IQGAP2: variants seen among roughly 807,000 people sequenced by gnomAD.
IQGAP2 encodes IQ motif containing GTPase activating protein 2, also known as ras GTPase-activating-like protein IQGAP2.
Under a neutral mutation model 201.3 loss-of-function variants are expected in IQGAP2, and 173 were observed. The ratio of observed to expected loss-of-function variants is 0.86; its 90% CI spans 0.76 to 0.98. The LOEUF is 0.98. Among genes scored for constraint, IQGAP2 ranks in the 50% least tolerant of loss-of-function variants. The pLI is 0.00. For missense variants in IQGAP2, 1,687 were observed against 1,864.8 expected, an observed-to-expected ratio of 0.90 and a Z score of 1.76; for synonymous variants, 675 against 673.9, an observed-to-expected ratio of 1.00 and a Z score of -0.03.
At chr5:76,500,129 A>C (rs1757195589) in intron 2 of IQGAP2, among the ~76,000 whole-genome samples, 1 of 152,164 alleles carries the variant, frequency 6.6e-6, no homozygotes, top group South Asian at 2.1e-4. Flanking sequence ...TGAATGAATA[A>C]ATAAATAAAA....
chr5:76,449,942 C>T lies in IQGAP2; in HGVS notation c.47-11628C>T, dbSNP rs546197320. Among the ~76,000 whole-genome samples the T allele has an allele frequency of 3.7e-4, 56 of 152,318 alleles. No individual in the cohort carries two copies. In the South Asian group the frequency reaches 8.1e-3, roughly 22 times the overall value. On this transcript the variant is annotated intron_variant, in intron 1 of 35. Coordinates refer to ENST00000274364, the MANE Select transcript of IQGAP2 (RefSeq NM_006633.5). ...AATTATATTTAAGGTAGTTGCTGTT[C>T]TGGCTCTTGTATAAAGTTCTTTCAG...
intron 4 of IQGAP2, 146 bp from the exon 5 acceptor site, chr5:76,575,547 A>T (rs986515262): frequency 2.0e-6 from 1 of 490,940 alleles, no homozygotes; most frequent in African/African-American, 2.0e-5. Flanking sequence ...CTATCTCTAC[A>T]GCAAGATGAA....
In IQGAP2 at chr5:76,496,739, TTC is replaced by T. The variant is rs1756954163; in HGVS notation, c.146+35072_146+35073del. Reference sequence around the variant, plus strand: ...TTCTTTCTTTCTTTTCTTTCTTTCTTTCTTTCTTTCTTTCTTTCTTTCTTTCT... The same window carrying T: ...TTCTTTCTTTCTTTTCTTTCTTTCTTTTTCTTTCTTTCTTTCTTTCTTTCT... On this transcript the variant is annotated intron_variant, in intron 2 of 35. Transcript: ENST00000274364. 2.6e-4 allele frequency among the ~76,000 whole-genome samples: 12 copies of T among 46,262 alleles called. 1 individual carries two copies. The highest frequency in any genetic ancestry group is 1.1e-3 in the African/African-American group (9 of 8,528). 30.3% of individuals were successfully genotyped at this position (46,262 alleles called of 152,430 possible). A position where few individuals can be genotyped will look rare whatever the true frequency, so the allele number is the denominator to read the frequency against.
intron 2 of IQGAP2, 123 bp downstream of exon 2, chr5:76,461,792 T>G: frequency 1.5e-6 from 1 of 672,804 alleles, no homozygotes; most frequent in Non-Finnish European, 2.6e-6. Flanking sequence ...GTTGTCGTAG[T>G]TGGAGATGGC....
At chr5:76,407,880 C>T (rs1431113032) in intron 1 of IQGAP2, among the ~76,000 whole-genome samples, 2 of 152,154 alleles carry the variant, frequency 1.3e-5, no homozygotes, top group Non-Finnish European at 1.5e-5. Flanking sequence ...CCTGTAATCC[C>T]AGGACTTTGG....
At chr5:76,595,243 CTTTTTTTTTTTT>C (rs1180358517) in intron 9 of IQGAP2, among the ~76,000 whole-genome samples, 20 of 35,308 alleles carry the variant, frequency 5.7e-4, no homozygotes, top group Non-Finnish European at 9.2e-4. Flanking sequence ...CATTTCTTTG[CTTTTTTTTTTTT>C]TTTTTTTTTT....
chr5:76,404,950 A>G lies in IQGAP2; in HGVS notation c.46+1359A>G, dbSNP rs143104705. 3.1e-3 allele frequency among the ~76,000 whole-genome samples: 452 copies of G among 147,796 alleles called. 6 individuals carry two copies. The highest frequency in any genetic ancestry group is 1.0e-2 in the African/African-American group (404 of 40,412). On this transcript the variant is annotated intron_variant, in intron 1 of 35. Transcript: ENST00000274364. ...ACAGCAGAGCCCGTTGGGTTCAAGGAGGAATGCTGTGCTCATTCAGTGTTT... is the reference window on the plus strand; with the variant it reads ...ACAGCAGAGCCCGTTGGGTTCAAGGGGGAATGCTGTGCTCATTCAGTGTTT...
chr5:76,642,688 C>T lies in IQGAP2; in HGVS notation c.2094+1585C>T, dbSNP rs115060726. Among the ~76,000 whole-genome samples the T allele has an allele frequency of 2.8e-3, 423 of 152,302 alleles. 1 individual carries two copies. The highest frequency in any genetic ancestry group is 9.7e-3 in the African/African-American group (403 of 41,570). ...TTCTGATATCTGAGAAGGTCCCCTA[C>T]GTAAAACACTGTGAGCTTCCTAGCT... On this transcript the variant is annotated intron_variant, in intron 17 of 35. Transcript: ENST00000274364.
chr5:76,481,166 C>T (rs1278909913), intron 2 of IQGAP2, among the ~76,000 whole-genome samples: 15 of 152,116 alleles, frequency 9.9e-5, no homozygotes. Context: ...TGGGGGCACA[C>T]ATTCAGGCCA....
chr5:76,667,167 G>GTAAA (rs554770676), intron 22 of IQGAP2, among the ~76,000 whole-genome samples: 1 of 151,850 alleles, frequency 6.6e-6, no homozygotes, highest in Admixed American at 6.6e-5. Context: ...TGGTGAGTAG[G>GTAAA]CATCTTTCTT....
chr5:76,586,911 T>C (rs1746287555), intron 5 of IQGAP2, among the ~76,000 whole-genome samples: 4 of 152,214 alleles, frequency 2.6e-5, no homozygotes, highest in Admixed American at 2.6e-4. Flanking sequence ...TCCTGGCTTG[T>C]AAGCCTCGTG....
At chr5:76,678,246 G>A (rs1580798821) in intron 28 of IQGAP2, among the ~76,000 whole-genome samples, 1 of 152,148 alleles carries the variant, frequency 6.6e-6, no homozygotes, top group Non-Finnish European at 1.5e-5. Flanking sequence ...CCCATTTCTC[G>A]GAAGCAGGCA....
intron 28 of IQGAP2, 103 bp from the exon 29 acceptor site, chr5:76,683,012 G>A: frequency 1.6e-6 from 1 of 614,944 alleles, no homozygotes; most frequent in Non-Finnish European, 2.8e-6. Context: ...TCATATTTAA[G>A]ATTTAAATGG....
intron 17 of IQGAP2, among the ~76,000 whole-genome samples, chr5:76,642,508 A>G (rs143418624): frequency 4.1e-4 from 63 of 152,322 alleles, no homozygotes; most frequent in African/African-American, 1.5e-3. Flanking sequence ...CATGAGGCCT[A>G]AAGGTAAGCC....
At chr5:76,702,354 G>T in intron 34 of IQGAP2, 128 bp from the exon 35 acceptor site, 1 of 587,704 alleles carries the variant, frequency 1.7e-6, no homozygotes. Context: ...GGTTTTTGGT[G>T]ACTTCCTTAG....
chr5:76,595,548 C>T (rs1227930625), intron 9 of IQGAP2, among the ~76,000 whole-genome samples: 1 of 151,394 alleles, frequency 6.6e-6, no homozygotes, highest in African/African-American at 2.4e-5. Context: ...GACTTCAGGC[C>T]AGGAGTTCAA....
intron 2 of IQGAP2, among the ~76,000 whole-genome samples, chr5:76,556,436 T>C (rs1376382074): frequency 1.3e-5 from 2 of 152,232 alleles, no homozygotes; most frequent in East Asian, 1.9e-4. Context: ...TGCTCTTTGA[T>C]AGAAAATGAT....
At chr5:76,455,227 C>T (rs1224491493) in intron 1 of IQGAP2, among the ~76,000 whole-genome samples, 1 of 151,750 alleles carries the variant, frequency 6.6e-6, no homozygotes, top group Non-Finnish European at 1.5e-5. Flanking sequence ...GGTGGGCATC[C>T]CTCAGGAGGT....
chr5:76,596,761 C>T (rs1353696059), intron 9 of IQGAP2, among the ~76,000 whole-genome samples: 3 of 152,112 alleles, frequency 2.0e-5, no homozygotes, highest in Admixed American at 6.5e-5. Flanking sequence ...GGGGGAAATC[C>T]GCCCCCATGT....
Sources: allele counts gnomAD v4.1 joint callset (sites outside exome capture counted in the v4.1 genomes callset), GRCh38; gene constraint gnomAD v4.1.1; transcripts MANE v1.5; gene names NCBI Gene and HGNC (gene_info 2026-07-23, HGNC 2026-07-21).